RELCH: variants seen among roughly 807,000 people sequenced by gnomAD.
RELCH encodes the protein RAB11-binding protein RELCH.
In RELCH, 41 loss-of-function variants were observed where a neutral mutation model predicts 150.3. That is an observed-to-expected ratio of 0.27 (90% CI 0.21 to 0.35). The LOEUF (loss-of-function observed/expected upper bound fraction) is 0.35. Ranked by LOEUF, RELCH falls within the 10% of genes least tolerant of loss-of-function variation. The pLI is 1.00. For missense variants in RELCH, 1,092 were observed against 1,467.8 expected (o/e 0.74, Z 4.18); for synonymous variants, 478 against 531.8 (o/e 0.90, Z 1.39).
chr18:62,269,010 G>A (rs1568409459), intron 20 of RELCH, 62 bp downstream of exon 20: 8 of 770,978 alleles, frequency 1.0e-5, no homozygotes, highest in African/African-American at 1.8e-5. Flanking sequence ...GCCTAGTATT[G>A]TGTCTTCTTA....
intron 1 of RELCH, among the ~76,000 whole-genome samples, chr18:62,208,434 T>C (rs79952694): frequency 0.012 from 1,799 of 152,246 alleles, 12 homozygotes; most frequent in Middle Eastern, 0.078. Flanking sequence ...TAGTTTCCTA[T>C]GGCTACTTTA....
At position 62,267,152 on chromosome 18, in the gene RELCH, A is replaced by G. The variant is rs576286201; in HGVS notation, c.2680+403A>G. 3.9e-5 allele frequency among the ~76,000 whole-genome samples: 6 copies of G among 152,046 alleles called. No individual in the cohort carries two copies. The East Asian group carries it at 5.8e-4, about 15-fold the overall frequency. The stretch of plus-strand genomic sequence containing the variant: ...GTGGAAAAGAACGGTATATAAGCAT[A>G]TATGTTTTCAAAATGAAACATGAGA... On this transcript the variant is annotated intron_variant, in intron 19 of 28. Transcript: ENST00000644646.
chr18:62,192,459 G>C (rs2038715624), intron 1 of RELCH, among the ~76,000 whole-genome samples: 1 of 152,096 alleles, frequency 6.6e-6, no homozygotes, highest in African/African-American at 2.4e-5. Context: ...TGAAATATTT[G>C]CCCGTGCCTA....
intron 27 of RELCH, among the ~76,000 whole-genome samples, chr18:62,293,462 C>T (rs928029986): frequency 6.6e-6 from 1 of 152,104 alleles, no homozygotes; most frequent in Middle Eastern, 3.4e-3. Flanking sequence ...GCTCATAAAG[C>T]CTTCAACTGC....
At chr18:62,223,811 G>T (rs1014868636) in intron 5 of RELCH, among the ~76,000 whole-genome samples, 1 of 151,988 alleles carries the variant, frequency 6.6e-6, no homozygotes, top group South Asian at 2.1e-4. Flanking sequence ...ATATTAAAAA[G>T]AAAATCAAAT....
At chr18:62,242,174 G>T (rs951313077) in intron 10 of RELCH, among the ~76,000 whole-genome samples, 1 of 152,134 alleles carries the variant, frequency 6.6e-6, no homozygotes, top group Admixed American at 6.6e-5. Context: ...ACTCTCCTTG[G>T]CATGGAATAG....
intron 28 of RELCH, among the ~76,000 whole-genome samples, chr18:62,303,374 G>A (rs2045751335): frequency 6.6e-6 from 1 of 152,130 alleles, no homozygotes; most frequent in African/African-American, 2.4e-5. Flanking sequence ...ATGTATGCAG[G>A]TATTGGTTAA....
At chr18:62,280,472 A>T (rs780221733) in intron 23 of RELCH, 174 bp from the exon 24 acceptor site, 1 of 1,583,198 alleles carries the variant, frequency 6.3e-7, no homozygotes, top group African/African-American at 1.3e-5. Context: ...ACCTTAAGTT[A>T]TCCTGTCTGT....
At chr18:62,277,970 T>TA in intron 22 of RELCH, 6 of 367,268 alleles carry the variant, frequency 1.6e-5, no homozygotes, top group Non-Finnish European at 2.3e-5. Flanking sequence ...CCCTGCAACT[T>TA]AGACTTGGAC....
chr18:62,260,467 G>C (rs959616495), intron 15 of RELCH, among the ~76,000 whole-genome samples: 1 of 151,314 alleles, frequency 6.6e-6, no homozygotes, highest in East Asian at 1.9e-4. Flanking sequence ...AGCCACTATG[G>C]AAAACAGTGT....
At chr18:62,225,199 A>G (rs1284558366) in intron 5 of RELCH, among the ~76,000 whole-genome samples, 1 of 151,978 alleles carries the variant, frequency 6.6e-6, no homozygotes, top group African/African-American at 2.4e-5. Context: ...TTAACTCAAA[A>G]TGGAGCATAT....
intron 11 of RELCH, chr18:62,246,159 T>G (rs2042400179): frequency 6.6e-6 from 1 of 152,242 alleles, no homozygotes; most frequent in African/African-American, 2.4e-5. Flanking sequence ...ATGCAGATTT[T>G]GCATCAAACC....
chr18:62,304,625 A>G (rs2045804300), intron 28 of RELCH, among the ~76,000 whole-genome samples: 1 of 152,222 alleles, frequency 6.6e-6, no homozygotes, highest in Non-Finnish European at 1.5e-5. Context: ...ATGTTGGCCA[A>G]AGGCACAAGG....
At chr18:62,264,237 T>G in intron 17 of RELCH, 92 bp downstream of exon 17, 1 of 1,026,450 alleles carries the variant, frequency 9.7e-7, no homozygotes, top group African/African-American at 1.7e-5. Context: ...ACTTTTAAAA[T>G]GTAACTCGGC....
At chr18:62,268,847 T>C in intron 19 of RELCH, 22 bp from the exon 20 acceptor site, 6 of 1,247,922 alleles carry the variant, frequency 4.8e-6, no homozygotes, top group Non-Finnish European at 6.6e-6. Context: ...TATGTTTTTT[T>C]AAATTATTTT....
chr18:62,215,931 T>C (rs1275948186), intron 2 of RELCH, among the ~76,000 whole-genome samples: 1 of 152,182 alleles, frequency 6.6e-6, no homozygotes, highest in Non-Finnish European at 1.5e-5. Flanking sequence ...ATATTTTCCA[T>C]TTCTCAATTT....
At chr18:62,293,364 T>A (rs894228532) in intron 27 of RELCH, among the ~76,000 whole-genome samples, 1 of 152,146 alleles carries the variant, frequency 6.6e-6, no homozygotes, top group Non-Finnish European at 1.5e-5. Context: ...GAATTGATGT[T>A]TCAGGCTTCA....
intron 10 of RELCH, among the ~76,000 whole-genome samples, chr18:62,238,777 A>G (rs1034635261): frequency 1.3e-5 from 2 of 152,096 alleles, no homozygotes; most frequent in Non-Finnish European, 2.9e-5. Flanking sequence ...AAACCACTGA[A>G]TAGACAATTG....
chr18:62,222,176 T>C (rs950391176), intron 5 of RELCH, among the ~76,000 whole-genome samples: 14 of 152,124 alleles, frequency 9.2e-5, no homozygotes, highest in African/African-American at 3.4e-4. Context: ...TGTTGGTTCA[T>C]AAAATCTCCT....
Sources: allele counts gnomAD v4.1 joint callset (sites outside exome capture counted in the v4.1 genomes callset), GRCh38; gene constraint gnomAD v4.1.1; transcripts MANE v1.5; gene names NCBI Gene and HGNC (gene_info 2026-07-23, HGNC 2026-07-21).